Variants in VPS13A observed in about 807,000 individuals in gnomAD.
VPS13A encodes intermembrane lipid transfer protein VPS13A.
A neutral mutation model predicts 390.9 loss-of-function variants in VPS13A; 264 were observed. That is an observed-to-expected ratio of 0.68 (90% confidence interval 0.61 to 0.75). The LOEUF (loss-of-function observed/expected upper bound fraction) is 0.75, where lower values mean the gene tolerates loss of function less well. VPS13A is among the 30% of genes least tolerant of loss of function. VPS13A has a pLI of 0.00. For synonymous variants in VPS13A, 1,231 were observed against 1,227.1 expected, an observed-to-expected ratio of 1.00 and a Z score of -0.07; for missense variants, 3,409 against 3,733.9, an observed-to-expected ratio of 0.91 and a Z score of 2.27.
chr9:77,220,402 T>TC lies in VPS13A; in HGVS notation c.989+19_989+20insC. On this transcript the variant is annotated intron_variant, in intron 12 of 71. Transcript: ENST00000360280. ...GAGAATGGTAAATGCCTTGATTTTT[T>TC]TTTTTTTTTAGATTTTAAAAATACA... is the stretch of plus-strand genomic sequence containing the variant. The TC allele has an allele frequency of 6.5e-7, 1 of 1,539,920 alleles. No homozygotes were observed. Among genetic ancestry groups the TC allele is most frequent in the Non-Finnish European group, 8.9e-7 (1 of 1,125,338 alleles).
rs1007017718 is a variant in VPS13A at position 77,209,672 on chromosome 9, T to A, written c.495+140T>A. On this transcript the variant is annotated intron_variant, in intron 6 of 71. Transcript: ENST00000360280. ...TAAAGATGATGTGATCCTTCTTTTC[T>A]ATAATTATAGTTGTAATTTGCAGTC... 7 of 635,548 alleles carry A rather than the reference T, an allele frequency of 1.1e-5. No individual in the cohort carries two copies. In the African/African-American group the frequency reaches 1.3e-4, roughly 12 times the overall value. 39.4% of individuals were successfully genotyped at this position (635,548 alleles called of 1,614,324 possible).
chr9:77,391,795 T>A (rs188028425), intron 68 of VPS13A, among the ~76,000 whole-genome samples: 55 of 152,304 alleles, frequency 3.6e-4, no homozygotes, highest in Admixed American at 1.8e-3. Flanking sequence ...TGGATAGATA[T>A]AGATATATAA....
chr9:77,350,428 T>C (rs1831388219), intron 52 of VPS13A, among the ~76,000 whole-genome samples: 1 of 152,214 alleles, frequency 6.6e-6, no homozygotes, highest in Non-Finnish European at 1.5e-5. Context: ...TGTTCTGAGT[T>C]CATCTCTAGC....
chr9:77,323,259 G>A, intron 45 of VPS13A, 32 bp downstream of exon 45: 1 of 1,609,124 alleles, frequency 6.2e-7, no homozygotes, highest in Non-Finnish European at 8.5e-7. Context: ...GGGATGTCCT[G>A]TTATGCATAT....
intron 71 of VPS13A, among the ~76,000 whole-genome samples, chr9:77,409,234 CCTGA>C (rs764346771): frequency 6.6e-6 from 1 of 152,156 alleles, no homozygotes; most frequent in Non-Finnish European, 1.5e-5. Context: ...AGCTGAGGGT[CCTGA>C]CTGTTTGTTA....
intron 52 of VPS13A, among the ~76,000 whole-genome samples, chr9:77,347,788 T>C (rs1386865883): frequency 1.3e-5 from 2 of 152,158 alleles, no homozygotes; most frequent in African/African-American, 4.8e-5. Flanking sequence ...CCCATTTCTT[T>C]AAAAATATAC....
chr9:77,268,356 G>A (rs931052592), intron 23 of VPS13A, among the ~76,000 whole-genome samples: 3 of 152,134 alleles, frequency 2.0e-5, no homozygotes, highest in South Asian at 2.1e-4. Context: ...GGAGTGCACC[G>A]TTCCTCATGG....
chr9:77,317,315 A>C (rs78551474), intron 39 of VPS13A, among the ~76,000 whole-genome samples: 1 of 151,912 alleles, frequency 6.6e-6, no homozygotes, highest in East Asian at 1.9e-4. Flanking sequence ...TTTGGCTTGA[A>C]TATAGCTGTA....
At chr9:77,298,908 G>A (rs556741650) in intron 33 of VPS13A, among the ~76,000 whole-genome samples, 4 of 152,250 alleles carry the variant, frequency 2.6e-5, no homozygotes, top group African/African-American at 7.2e-5. Context: ...TGTGTAAGAT[G>A]TGCCGCTGTG....
intron 22 of VPS13A, among the ~76,000 whole-genome samples, chr9:77,255,283 C>T (rs1825376918): frequency 6.6e-6 from 1 of 151,772 alleles, no homozygotes; most frequent in African/African-American, 2.4e-5. Flanking sequence ...GATTTTTTTC[C>T]TTCATTCTGT....
intron 52 of VPS13A, chr9:77,350,963 A>G (rs888608607): frequency 2.7e-5 from 7 of 263,484 alleles, no homozygotes; most frequent in Middle Eastern, 1.5e-3. Context: ...AGTAAGACCA[A>G]TACTTAGGAA....
intron 34 of VPS13A, among the ~76,000 whole-genome samples, chr9:77,304,619 G>A (rs985443856): frequency 1.1e-4 from 17 of 152,184 alleles, no homozygotes; most frequent in Admixed American, 1.1e-3. Context: ...GGAAGAGAAA[G>A]TATTAGAAGA....
intron 17 of VPS13A, among the ~76,000 whole-genome samples, chr9:77,228,939 A>AC (rs111374354): frequency 0.2 from 30,894 of 151,964 alleles, 3,337 homozygotes; most frequent in Middle Eastern, 0.26. Context: ...TGGGGAAGCC[A>AC]CCCCCATGAT....
chr9:77,341,418 A>G (rs1362823840), intron 50 of VPS13A, among the ~76,000 whole-genome samples: 4 of 152,158 alleles, frequency 2.6e-5, no homozygotes, highest in Admixed American at 6.5e-5. Flanking sequence ...TCACACTGCT[A>G]TATGTCTATA....
At chr9:77,210,341 C>T (rs1825910333) in intron 6 of VPS13A, among the ~76,000 whole-genome samples, 1 of 135,682 alleles carries the variant, frequency 7.4e-6, no homozygotes, top group African/African-American at 2.7e-5. Flanking sequence ...AAGTGATCCT[C>T]CCACCTCACC....
chr9:77,321,244 A>G lies in VPS13A; in HGVS notation c.5491A>G (p.Thr1831Ala), dbSNP rs781288153. 8 of 1,612,188 alleles carry G rather than the reference A, an allele frequency of 5.0e-6. No homozygotes were observed. Among genetic ancestry groups the G allele is most frequent in the Non-Finnish European group, 6.8e-6 (8 of 1,178,974 alleles). Residue 1831 changes from threonine (T) to alanine (A), a missense_variant, in exon 43 of 72, where the codon ACT (threonine) becomes GCT (alanine). Coordinates refer to ENST00000360280, the MANE Select transcript of VPS13A (RefSeq NM_033305.3). ...AAACTACAAAGTGCCAGAATATAAA[A>G]CTGTCATCAGTTTCCATTCAAAAGA... ...EENYKVPEYK[T>A]VISFHSKDQL...
At chr9:77,331,359 A>G (rs1830265928) in intron 45 of VPS13A, among the ~76,000 whole-genome samples, 2 of 152,122 alleles carry the variant, frequency 1.3e-5, no homozygotes, top group South Asian at 2.1e-4. Flanking sequence ...TCCTGTTCAC[A>G]TCATTTTCAA....
intron 50 of VPS13A, among the ~76,000 whole-genome samples, chr9:77,341,495 C>A (rs1310067230): frequency 6.6e-6 from 1 of 152,008 alleles, no homozygotes; most frequent in East Asian, 1.9e-4. Flanking sequence ...TAATGTATTT[C>A]ATGCTTTCTG....
chr9:77,370,651 A>T, intron 65 of VPS13A, 73 bp downstream of exon 65: 3 of 1,590,454 alleles, frequency 1.9e-6, no homozygotes, highest in Non-Finnish European at 2.6e-6. Context: ...CGAATAAGGA[A>T]ATAGACATGA....
Sources: gnomAD v4.1 joint callset for allele counts (sites outside exome capture counted in the v4.1 genomes callset) on GRCh38, gnomAD v4.1.1 for gene constraint, MANE v1.5 for transcripts, NCBI Gene and HGNC (gene_info 2026-07-23, HGNC 2026-07-21) for gene names.